The following GLRX3 variants were observed in gnomAD, a reference collection of about 807,000 sequenced individuals.
GLRX3 encodes the protein glutaredoxin 3.
Under a neutral mutation model 49.5 loss-of-function variants are expected in GLRX3, and 22 were observed. That is an observed-to-expected ratio of 0.44 (90% CI 0.32 to 0.63). The LOEUF (loss-of-function observed/expected upper bound fraction) is 0.63. Ranked by LOEUF, GLRX3 falls within the 30% of genes least tolerant of loss-of-function variation. GLRX3 has a pLI of 0.05. For synonymous variants in GLRX3, 133 were observed against 140.0 expected (o/e 0.95, Z 0.35); for missense variants, 385 against 396.3 (o/e 0.97, Z 0.24).
intron 1 of GLRX3, among the ~76,000 whole-genome samples, chr10:130,141,772 A>C (rs1032139632): frequency 3.9e-5 from 6 of 152,184 alleles, no homozygotes; most frequent in African/African-American, 1.2e-4. Context: ...GCATTCTTGC[A>C]TGAGGCCTCT....
chr10:130,151,606 G>A (rs558894370), intron 2 of GLRX3, among the ~76,000 whole-genome samples: 1 of 151,914 alleles, frequency 6.6e-6, no homozygotes, highest in Admixed American at 6.6e-5. Context: ...CCACTTATGA[G>A]TGAGAACATG....
At chr10:130,170,445 T>A (rs566628107) in intron 7 of GLRX3, among the ~76,000 whole-genome samples, 1 of 152,340 alleles carries the variant, frequency 6.6e-6, no homozygotes, top group East Asian at 1.9e-4. Flanking sequence ...TTAACATAAC[T>A]GGTTAATATA....
At chr10:130,139,011 G>A (rs12266862) in intron 1 of GLRX3, among the ~76,000 whole-genome samples, 15,137 of 151,532 alleles carry the variant, frequency 0.1, 765 homozygotes, top group Middle Eastern at 0.13. Flanking sequence ...ACAGGTGCCC[G>A]CCACCACGCC....
At chr10:130,160,648 T>A (rs1303822507) in intron 3 of GLRX3, 148 bp from the exon 4 acceptor site, 1 of 609,940 alleles carries the variant, frequency 1.6e-6, no homozygotes, top group East Asian at 2.7e-5. Context: ...TATGTATTTC[T>A]AAAATTGAGA....
chr10:130,165,344 T>C (rs1326511640), intron 4 of GLRX3, among the ~76,000 whole-genome samples: 12 of 152,110 alleles, frequency 7.9e-5, no homozygotes, highest in Non-Finnish European at 1.5e-4. Flanking sequence ...ACTAGGCTAA[T>C]AGGTTTATAA....
At chr10:130,136,870 A>AGTGGC (rs1385585178) in intron 1 of GLRX3, among the ~76,000 whole-genome samples, 57 of 151,940 alleles carry the variant, frequency 3.8e-4, no homozygotes, top group East Asian at 2.9e-3. Flanking sequence ...GCCGTGCCGC[A>AGTGGC]GTGGCGGGGC....
chr10:130,142,972 C>G (rs1229734733), intron 1 of GLRX3, among the ~76,000 whole-genome samples: 1 of 152,208 alleles, frequency 6.6e-6, no homozygotes, highest in African/African-American at 2.4e-5. Context: ...TGGCACTGTT[C>G]CTTTCTTGAT....
In GLRX3 at chr10:130,145,252, A is replaced by G; in HGVS notation, c.134A>G (p.Gln45Arg). Residue 45 changes from glutamine (Q) to arginine (R), a missense_variant, in exon 2 of 11, where the codon CAG becomes CGG. Around this residue, in one of 2 missense-constraint regions of GLRX3, gnomAD observed 374 missense variants for 358.6 expected, o/e 1.04. Transcript: ENST00000331244. ...VVHFWAPWAP[Q>R]CAQMNEVMAE... ...CATTTCTGGGCACCATGGGCTCCAC[A>G]GTGTGCACAGATGAACGAAGTTATG... 6.4e-7 allele frequency: 1 copy of G among 1,570,182 alleles called. No homozygotes were observed. The highest frequency in any genetic ancestry group is 8.8e-7 in the Non-Finnish European group (1 of 1,142,024).
intron 10 of GLRX3, among the ~76,000 whole-genome samples, chr10:130,177,057 C>T (rs1040852322): frequency 4.6e-5 from 7 of 152,214 alleles, no homozygotes; most frequent in African/African-American, 1.7e-4. Flanking sequence ...ATATTGTTAA[C>T]GTTTTTCCTT....
At chr10:130,172,185 TCCCAGAG>T (rs1862824036) in intron 8 of GLRX3, among the ~76,000 whole-genome samples, 1 of 152,200 alleles carries the variant, frequency 6.6e-6, no homozygotes, top group Non-Finnish European at 1.5e-5. Context: ...TTGTCTACTT[TCCCAGAG>T]GAAAATGTAT....
intron 2 of GLRX3, among the ~76,000 whole-genome samples, chr10:130,152,883 T>C (rs962904825): frequency 2.6e-5 from 4 of 152,364 alleles, no homozygotes; most frequent in East Asian, 1.9e-4. Flanking sequence ...CTGGATAATA[T>C]CCTGAAGAGT....
At position 130,174,982 on chromosome 10, in the gene GLRX3, CTGT is replaced by C. The variant is rs1862887208; in HGVS notation, c.865-10_865-8del. The C allele has an allele frequency of 1.3e-6, 2 of 1,594,568 alleles. No homozygotes were observed. Among genetic ancestry groups the C allele is most frequent in the Non-Finnish European group, 1.7e-6 (2 of 1,162,390 alleles). On this transcript the variant is annotated splice_polypyrimidine_tract_variant and intron_variant, in intron 9 of 10. Transcript: ENST00000331244. ...GCCTGATAGGATGGTTTCAGGATTCCTGTTGTTTCTTTAGGTTCGGCAAGGATT... is the reference window on the plus strand; with the variant it reads ...GCCTGATAGGATGGTTTCAGGATTCCTGTTTCTTTAGGTTCGGCAAGGATT...
At chr10:130,154,972 T>C (rs1041692447) in intron 2 of GLRX3, among the ~76,000 whole-genome samples, 10 of 151,862 alleles carry the variant, frequency 6.6e-5, no homozygotes, top group African/African-American at 2.4e-4. Flanking sequence ...GGAAGAGAGA[T>C]CTTTCTTTTT....
intron 7 of GLRX3, 52 bp downstream of exon 7, chr10:130,169,542 T>C (rs1477046120): frequency 9.0e-7 from 1 of 1,105,850 alleles, no homozygotes; most frequent in Admixed American, 1.7e-5. Context: ...TGTTAACATC[T>C]GCAACAAGGG....
At chr10:130,144,802 A>G (rs1862241087) in intron 1 of GLRX3, among the ~76,000 whole-genome samples, 1 of 152,226 alleles carries the variant, frequency 6.6e-6, no homozygotes. Flanking sequence ...AGAATGATTT[A>G]TAATCTTTTG....
chr10:130,169,913 G>A (rs1244086046), intron 7 of GLRX3, among the ~76,000 whole-genome samples: 1 of 152,244 alleles, frequency 6.6e-6, no homozygotes, highest in East Asian at 1.9e-4. Flanking sequence ...GCAAACCCTG[G>A]CTGTAGCAGG....
chr10:130,143,660 C>CT (rs1254860270), intron 1 of GLRX3, among the ~76,000 whole-genome samples: 1 of 151,706 alleles, frequency 6.6e-6, no homozygotes, highest in African/African-American at 2.4e-5. Context: ...TGCCAGAATG[C>CT]TGAGTACAGG....
intron 4 of GLRX3, 124 bp downstream of exon 4, chr10:130,161,121 C>A (rs1049708624): frequency 1.4e-5 from 9 of 665,900 alleles, no homozygotes; most frequent in Non-Finnish European, 2.1e-5. Context: ...TGTTCACATA[C>A]TTTTAGAAAA....
chr10:130,164,189 A>G (rs915387754), intron 4 of GLRX3, among the ~76,000 whole-genome samples: 1 of 152,088 alleles, frequency 6.6e-6, no homozygotes, highest in Non-Finnish European at 1.5e-5. Flanking sequence ...TGACGTGTAG[A>G]TAGGGTCTCA....
Sources: gnomAD v4.1 joint callset for allele counts (sites outside exome capture counted in the v4.1 genomes callset) on GRCh38, gnomAD v4.1.1 for gene constraint, gnomAD v4.1.1 regional missense constraint, MANE v1.5 for transcripts, NCBI Gene and HGNC (gene_info 2026-07-23, HGNC 2026-07-21) for gene names.